The following DUSP1 variants were observed in gnomAD, a reference collection of about 807,000 sequenced individuals.
The protein encoded by DUSP1 is dual specificity protein phosphatase 1.
In DUSP1, 10 loss-of-function variants were observed where a neutral mutation model predicts 27.4. The observed-to-expected ratio is 0.37, with a 90% CI of 0.23 to 0.62. The LOEUF is 0.62. Ranked by LOEUF, DUSP1 falls within the 20% of genes least tolerant of loss-of-function variation. The probability of loss-of-function intolerance (pLI) is 0.68; values close to 1 mark genes in which losing one functional copy is unlikely to be tolerated. For missense variants in DUSP1, 425 were observed against 508.1 expected, an observed-to-expected ratio of 0.84 and a Z score of 1.57; for synonymous variants, 262 against 223.6, an observed-to-expected ratio of 1.17 and a Z score of -1.53.
rs2113425976 is a variant in DUSP1 at position 172,770,865 on chromosome 5, G to A, written c.88C>T (p.Arg30Cys). 1.3e-6 allele frequency: 2 copies of A among 1,530,550 alleles called. No homozygotes were observed. Among genetic ancestry groups the A allele is most frequent in the Non-Finnish European group, 1.7e-6 (2 of 1,143,938 alleles). The allele number at this position is 1,530,550 out of a possible 1,614,324, so 94.8% of individuals were successfully genotyped here. Residue 30 changes from arginine (R) to cysteine (C), a missense_variant, in exon 1 of 4, where the codon CGC becomes TGC. By Grantham distance (180) the Arg-to-Cys change is radical. Coordinates refer to ENST00000239223, the MANE Select transcript of DUSP1 (RefSeq NM_004417.4). ...RAAQCLLLDC[R>C]SFFAFNAGHI... ...CCGGCGTTGAAAGCGAAGAAGGAGC[G>A]GCAGTCCAGCAGCAGGCATTGCGCC...
rs1307286715 is a variant in DUSP1 at position 172,770,140 on chromosome 5, G to A, written c.513+21C>T. 2.6e-6 allele frequency: 4 copies of A among 1,546,956 alleles called. No homozygotes were observed. In the East Asian group the frequency reaches 9.1e-5, roughly 35 times the overall value. ...CTTTGCCAGTTCTTACTTCTTCCCT[G>A]TGGCAGGGACACCTACTAACCTGAT... On this transcript the variant is annotated intron_variant, in intron 2 of 3. Transcript: ENST00000239223.
At position 172,770,795 on chromosome 5, in the gene DUSP1, C is replaced by A. The variant is rs200878863; in HGVS notation, c.158G>T (p.Arg53Leu). 2,127 of 1,509,926 alleles carry A rather than the reference C, an allele frequency of 1.4e-3. 1 individual carries two copies. The highest frequency in any genetic ancestry group is 1.8e-3 in the Non-Finnish European group (2,012 of 1,134,996). The allele number at this position is 1,509,926 out of a possible 1,614,324, so 93.5% of individuals were successfully genotyped here. A position where few individuals can be genotyped will look rare whatever the true frequency, so the allele number is the denominator to read the frequency against. ...GCCCATGGCGCCCTTGGCCCGGCGC[C>A]GCACGATGGTGCTGAAGCGCACGTT... ...SVNVRFSTIV[R>L]RRAKGAMGLE... The change falls in exon 1 of 4, where the codon CGG becomes CTG. Residue 53 changes from arginine (R) to leucine (L), a missense_variant. Arg to Leu is a moderately radical substitution (Grantham distance 102, BLOSUM62 -2). Coordinates refer to ENST00000239223, the MANE Select transcript of DUSP1 (RefSeq NM_004417.4).
intron 2 of DUSP1, 139 bp downstream of exon 2, chr5:172,770,022 A>C: frequency 2.2e-6 from 3 of 1,347,478 alleles, no homozygotes; most frequent in Non-Finnish European, 3.0e-6. Flanking sequence ...CAGACCACTT[A>C]ACTGTGGAAT....
intron 2 of DUSP1, 85 bp downstream of exon 2, chr5:172,770,076 G>A (rs569983139): frequency 4.7e-6 from 7 of 1,500,180 alleles, no homozygotes; most frequent in Non-Finnish European, 6.2e-6. Flanking sequence ...AATGCTGCAG[G>A]TCACTTTCTA....
rs1759864628 is a variant in DUSP1, at chr5:172,770,250, G to T, written c.424C>A (p.Pro142Thr). The change falls in exon 2 of 4, where the codon CCC becomes ACC. Residue 142 changes from proline to threonine, a missense_variant. By Grantham distance (38) the Pro-to-Thr change is conservative. This residue lies in a region of DUSP1 where 282 missense variants were observed against 319.3 expected (regional missense o/e 0.88). Coordinates refer to ENST00000239223, the MANE Select transcript of DUSP1 (RefSeq NM_004417.4). ...CTCAGGGGAAGGCTGAGCCCCATGG[G>T]GGTCGACTGTTTGCTGCACAGCTCC... ...CPELCSKQST[P>T]MGLSLPLSTS... The T allele has an allele frequency of 6.2e-7, 1 of 1,611,072 alleles. No homozygotes were observed. Among genetic ancestry groups the T allele is most frequent in the Admixed American group, 1.7e-5 (1 of 59,108 alleles).
Position 172,768,797 on chromosome 5 carries a change from G to A in DUSP1, c.1069C>T (p.Leu357Phe), listed in dbSNP as rs777804572. 4 of 1,534,686 alleles carry A rather than the reference G, an allele frequency of 2.6e-6. No homozygotes were observed. Among genetic ancestry groups the A allele is most frequent in the South Asian group, 2.5e-5 (2 of 78,442 alleles). The change falls in exon 4 of 4, where the codon CTT (leucine) becomes TTT (phenylalanine). Residue 357 changes from leucine (L) to phenylalanine (F), a missense_variant. This residue lies in a region of DUSP1 where 84 missense variants were observed against 80.5 expected (regional missense o/e 1.04). Coordinates refer to ENST00000239223, the MANE Select transcript of DUSP1 (RefSeq NM_004417.4). ...VHSTNSALSY[L>F]QSPITTSPSC Reference sequence around the variant, plus strand: ...GGAGAGGTCGTAATGGGGCTCTGAAGGTAGCTCAGCGCACTGTTCGTGGAG... The same window carrying A: ...GGAGAGGTCGTAATGGGGCTCTGAAAGTAGCTCAGCGCACTGTTCGTGGAG...
rs770203276 is a variant in DUSP1 at position 172,770,593 on chromosome 5, G to A, written c.360C>T (p.Phe120=). 30 of 1,376,226 alleles carry A rather than the reference G, an allele frequency of 2.2e-5. No homozygotes were observed. In the East Asian group the frequency reaches 2.5e-4, roughly 12 times the overall value. 85.3% of individuals were successfully genotyped at this position (1,376,226 alleles called of 1,614,324 possible). The change falls in exon 1 of 4, where the codon TTC becomes TTT. Residue 120 remains phenylalanine (F), a synonymous_variant. Coordinates refer to ENST00000239223, the MANE Select transcript of DUSP1 (RefSeq NM_004417.4). The part of the protein sequence containing the change: ...CREARAAQVF[F]LKGGYEAFSA... ...GCTTCCCCGAGGGCGTACCTTTGAG[G>A]AAGAAGACTTGCGCGGCGCGCGCCT...
rs139417298 is a variant in DUSP1 at position 172,770,185 on chromosome 5, G to A, written c.489C>T (p.Ser163=). 9 of 1,592,892 alleles carry A rather than the reference G, an allele frequency of 5.7e-6. No individual in the cohort carries two copies. The highest frequency in any genetic ancestry group is 5.4e-5 in the African/African-American group (4 of 73,460). ...CCTGATCGTAGAGTGGGGTACTGCA[G>A]GAACTGCACCCAGATTCCGCGCTGT... ...VPDSAESGCS[S]CSTPLYDQGG... is the part of the protein sequence containing the mutation. Residue 163 remains serine (S), a synonymous_variant, in exon 2 of 4, where the codon TCC becomes TCT. Coordinates refer to ENST00000239223, the MANE Select transcript of DUSP1 (RefSeq NM_004417.4).
chr5:172,770,924 G>A lies in DUSP1; in HGVS notation c.29C>T (p.Ala10Val). The A allele has an allele frequency of 2.6e-6, 4 of 1,539,592 alleles. No individual in the cohort carries two copies. The highest frequency in any genetic ancestry group is 3.5e-6 in the Non-Finnish European group (4 of 1,150,362). The change falls in exon 1 of 4, where the codon GCT becomes GTT. Residue 10 changes from alanine (A) to valine (V), a missense_variant. By Grantham distance (64) the Ala-to-Val change is moderately conservative. Around this residue, in one of 3 missense-constraint regions of DUSP1, gnomAD observed 282 missense variants for 319.3 expected, o/e 0.88. Transcript: ENST00000239223. MVMEVGTLD[A>V]GGLRALLGER... ...CCCCAGCAGCGCCCGCAGGCCTCCA[G>A]CGTCCAGGGTGCCCACTTCCATGAC...
chr5:172,768,796 A>G lies in DUSP1; in HGVS notation c.1070T>C (p.Leu357Pro). The change falls in exon 4 of 4, where the codon CTT becomes CCT. Residue 357 changes from leucine (L) to proline (P), a missense_variant. Leu to Pro is a moderately conservative substitution (Grantham distance 98). This residue lies in a region of DUSP1 where 84 missense variants were observed against 80.5 expected (regional missense o/e 1.04). Coordinates refer to ENST00000239223, the MANE Select transcript of DUSP1 (RefSeq NM_004417.4). Reference protein sequence around the residue: ...VHSTNSALSYLQSPITTSPSC With the variant: ...VHSTNSALSYPQSPITTSPSC The stretch of plus-strand genomic sequence containing the variant: ...GGGAGAGGTCGTAATGGGGCTCTGA[A>G]GGTAGCTCAGCGCACTGTTCGTGGA... 1 of 1,534,140 alleles carries G rather than the reference A, an allele frequency of 6.5e-7. No individual in the cohort carries two copies. Among genetic ancestry groups the G allele is most frequent in the Non-Finnish European group, 8.8e-7 (1 of 1,138,842 alleles).
Position 172,768,790 on chromosome 5 carries a change from C to T in DUSP1, c.1076G>A (p.Ser359Asn). Residue 359 changes from serine (S) to asparagine (N), a missense_variant, in exon 4 of 4, where the codon AGC becomes AAC. Ser to Asn is a conservative substitution (Grantham distance 46, BLOSUM62 1). Transcript: ENST00000239223. ...STNSALSYLQ[S>N]PITTSPSC The stretch of plus-strand genomic sequence containing the variant: ...GCAGCTGGGAGAGGTCGTAATGGGG[C>T]TCTGAAGGTAGCTCAGCGCACTGTT... 1 of 1,529,810 alleles carries T rather than the reference C, an allele frequency of 6.5e-7. No homozygotes were observed. Among genetic ancestry groups the T allele is most frequent in the Non-Finnish European group, 8.8e-7 (1 of 1,136,818 alleles). 94.8% of individuals were successfully genotyped at this position (1,529,810 alleles called of 1,614,324 possible).
At chr5:172,769,536 G>A (rs1471578550) in intron 3 of DUSP1, 39 bp downstream of exon 3, 2 of 1,610,272 alleles carry the variant, frequency 1.2e-6, no homozygotes, top group East Asian at 2.2e-5. Context: ...AAAATGAGAA[G>A]AGAAAGGCAG....
chr5:172,770,479 G>A, intron 1 of DUSP1, 107 bp downstream of exon 1: 3 of 1,489,432 alleles, frequency 2.0e-6, no homozygotes, highest in Non-Finnish European at 2.6e-6. Context: ...ATGTACTCCA[G>A]CGCCCACGCG....
At chr5:172,770,431 C>T (rs1759869710) in intron 1 of DUSP1, 125 bp from the exon 2 acceptor site, 2 of 1,541,894 alleles carry the variant, frequency 1.3e-6, no homozygotes, top group Non-Finnish European at 1.7e-6. Flanking sequence ...TCTTTGTTTC[C>T]AGAGCCAAAC....
In DUSP1 at chr5:172,771,114, G is replaced by A. The variant is rs887999413; in HGVS notation, c.-162C>T. On this transcript the variant is annotated 5_prime_UTR_variant, in exon 1 of 4. Coordinates refer to ENST00000239223, the MANE Select transcript of DUSP1 (RefSeq NM_004417.4). The stretch of plus-strand genomic sequence containing the variant: ...GACTGAGAGAGGAGCGTCACGCGGG[G>A]CTCCGGGCTCCTCGGCTTCTTCGCG... 1 of 995,648 alleles carries A rather than the reference G, an allele frequency of 1.0e-6. No homozygotes were observed. Among genetic ancestry groups the A allele is most frequent in the Non-Finnish European group, 1.3e-6 (1 of 754,466 alleles). 61.7% of individuals were successfully genotyped at this position (995,648 alleles called of 1,614,324 possible). A position where few individuals can be genotyped will look rare whatever the true frequency, so the allele number is the denominator to read the frequency against.
In DUSP1 at chr5:172,768,819, G is replaced by C; in HGVS notation, c.1047C>G (p.Ser349=). Residue 349 remains serine (S), a synonymous_variant, in exon 4 of 4, where the codon TCC becomes TCG. Transcript: ENST00000239223. Reference sequence around the variant, plus strand: ...GAAGGTAGCTCAGCGCACTGTTCGTGGAGTGGACAGGGATGGAGACGGGGA... The same window carrying C: ...GAAGGTAGCTCAGCGCACTGTTCGTCGAGTGGACAGGGATGGAGACGGGGA... ...FNFPVSIPVH[S]TNSALSYLQS... 6.3e-7 allele frequency: 1 copy of C among 1,576,380 alleles called. No individual in the cohort carries two copies. Among genetic ancestry groups the C allele is most frequent in the Non-Finnish European group, 8.6e-7 (1 of 1,159,716 alleles).
At chr5:172,770,347 C>G (rs1220335677) in intron 1 of DUSP1, 41 bp from the exon 2 acceptor site, 1 of 1,608,346 alleles carries the variant, frequency 6.2e-7, no homozygotes, top group Admixed American at 1.7e-5. Flanking sequence ...TTAGTGACAC[C>G]GGGACACGGC....
Position 172,769,056 on chromosome 5 carries a change from A to C in DUSP1, c.810T>G (p.Leu270=). ...CTCGATTAGTCCTCATAAGGTAAGC[A>C]AGGCAGATGGTGGCTGACCGGGAAA... is the stretch of plus-strand genomic sequence containing the variant. ...AGISRSATIC[L]AYLMRTNRVK... is the part of the protein sequence containing the mutation. The change falls in exon 4 of 4, where the codon CTT becomes CTG. Residue 270 remains leucine (L), a synonymous_variant. Transcript: ENST00000239223. 6.2e-7 allele frequency: 1 copy of C among 1,614,166 alleles called. No homozygotes were observed. The highest frequency in any genetic ancestry group is 1.1e-5 in the South Asian group (1 of 91,088).
rs1324578766 is a variant in DUSP1, at chr5:172,770,832, C to A, written c.121G>T (p.Ala41Ser). Residue 41 changes from alanine (A) to serine (S), a missense_variant, in exon 1 of 4, where the codon GCC (alanine) becomes TCC (serine). This residue lies in a region of DUSP1 where 282 missense variants were observed against 319.3 expected (regional missense o/e 0.88). Transcript: ENST00000239223. ...CTGAAGCGCACGTTGACAGAGCCGG[C>A]GATGTGGCCGGCGTTGAAAGCGAAG... ...SFFAFNAGHI[A>S]GSVNVRFSTI... is the part of the protein sequence containing the mutation. The A allele has an allele frequency of 5.2e-6, 8 of 1,526,492 alleles. No individual in the cohort carries two copies. The East Asian group carries it at 1.8e-4, about 34-fold the overall frequency. The allele number at this position is 1,526,492 out of a possible 1,614,324, so 94.6% of individuals were successfully genotyped here.
Sources: gnomAD v4.1 joint callset for allele counts on GRCh38, gnomAD v4.1.1 for gene constraint, gnomAD v4.1.1 regional missense constraint, MANE v1.5 for transcripts, NCBI Gene and HGNC (gene_info 2026-07-23, HGNC 2026-07-21) for gene names.